The following LHFPL3 variants were observed in gnomAD, a reference collection of about 807,000 sequenced individuals.
LHFPL3 encodes LHFPL tetraspan subfamily member 3.
A neutral mutation model predicts 19.3 loss-of-function variants in LHFPL3; 5 were observed. That is an observed-to-expected ratio of 0.26 (90% CI 0.14 to 0.54). The LOEUF is 0.54. LHFPL3 is among the 20% of genes least tolerant of loss of function. The pLI is 0.94. For synonymous variants in LHFPL3, 133 were observed against 126.2 expected (o/e 1.05, Z -0.36); for missense variants, 249 against 307.4 (o/e 0.81, Z 1.42).
chr7:104,704,258 AAC>A (rs1793148510), intron 1 of LHFPL3, among the ~76,000 whole-genome samples: 1 of 152,222 alleles, frequency 6.6e-6, no homozygotes, highest in African/African-American at 2.4e-5. Context: ...ATCATTTAAT[AAC>A]ACAGCACTGC....
chr7:104,731,423 T>A (rs1793702862), intron 1 of LHFPL3, among the ~76,000 whole-genome samples: 1 of 152,230 alleles, frequency 6.6e-6, no homozygotes, highest in South Asian at 2.1e-4. Context: ...TAGTTCTCCT[T>A]GAAGAGGTCC....
intron 1 of LHFPL3, among the ~76,000 whole-genome samples, chr7:104,637,439 T>C (rs1273289164): frequency 6.6e-6 from 1 of 152,220 alleles, no homozygotes; most frequent in Non-Finnish European, 1.5e-5. Flanking sequence ...GGCGTCTTCA[T>C]CATGAAATCT....
At chr7:104,541,238 C>T (rs1393938088) in intron 1 of LHFPL3, among the ~76,000 whole-genome samples, 2 of 152,040 alleles carry the variant, frequency 1.3e-5, no homozygotes, top group Admixed American at 6.6e-5. Context: ...TCCCATGGCA[C>T]CTGGGAATAT....
intron 1 of LHFPL3, among the ~76,000 whole-genome samples, chr7:104,402,095 AAAAAAAC>A (rs1562886802): frequency 6.6e-6 from 1 of 151,962 alleles, no homozygotes; most frequent in African/African-American, 2.4e-5. Context: ...AACTAAAAAA[AAAAAAAC>A]AAAAAACAAC....
At chr7:104,620,974 C>T (rs1791436599) in intron 1 of LHFPL3, among the ~76,000 whole-genome samples, 1 of 152,190 alleles carries the variant, frequency 6.6e-6, no homozygotes, top group Non-Finnish European at 1.5e-5. Flanking sequence ...TCTACCCTCT[C>T]TAGGAAAATC....
intron 2 of LHFPL3, among the ~76,000 whole-genome samples, chr7:104,841,374 T>G (rs1280292839): frequency 1.3e-5 from 2 of 152,172 alleles, no homozygotes; most frequent in Non-Finnish European, 2.9e-5. Context: ...CCTCGATTTA[T>G]TTTCTCCATC....
chr7:104,795,326 G>T (rs558479933), intron 2 of LHFPL3, among the ~76,000 whole-genome samples: 2 of 152,290 alleles, frequency 1.3e-5, no homozygotes, highest in South Asian at 4.1e-4. Flanking sequence ...TCCCATTGCC[G>T]GAAAGTCAGC....
intron 1 of LHFPL3, among the ~76,000 whole-genome samples, chr7:104,610,516 G>A (rs980644802): frequency 1.3e-5 from 2 of 152,132 alleles, no homozygotes; most frequent in African/African-American, 4.8e-5. Flanking sequence ...GAGAGATGGT[G>A]ATATAGTTCC....
At chr7:104,783,074 C>G (rs1315951802) in intron 2 of LHFPL3, among the ~76,000 whole-genome samples, 3 of 152,256 alleles carry the variant, frequency 2.0e-5, no homozygotes, top group Non-Finnish European at 4.4e-5. Context: ...GGGAACTTAA[C>G]TCGAAATGCA....
chr7:104,626,704 TAGA>T (rs1392705314), intron 1 of LHFPL3, among the ~76,000 whole-genome samples: 1 of 152,174 alleles, frequency 6.6e-6, no homozygotes, highest in African/African-American at 2.4e-5. Flanking sequence ...CAGGAGGAAG[TAGA>T]AGATGTTGTA....
intron 2 of LHFPL3, among the ~76,000 whole-genome samples, chr7:104,901,567 T>C (rs917558112): frequency 3.9e-5 from 6 of 151,906 alleles, no homozygotes; most frequent in Non-Finnish European, 8.8e-5. Context: ...TTTTGTTTTT[T>C]TGTTTGTTTG....
intron 1 of LHFPL3, among the ~76,000 whole-genome samples, chr7:104,638,520 G>A (rs1584454991): frequency 6.6e-6 from 1 of 152,086 alleles, no homozygotes; most frequent in African/African-American, 2.4e-5. Context: ...GATATTGACT[G>A]TGTGTTTGTC....
intron 1 of LHFPL3, among the ~76,000 whole-genome samples, chr7:104,600,578 C>T (rs553817955): frequency 6.6e-6 from 1 of 152,290 alleles, no homozygotes; most frequent in South Asian, 2.1e-4. Context: ...AAACTATTAT[C>T]TCATCTTATC....
intron 1 of LHFPL3, among the ~76,000 whole-genome samples, chr7:104,404,805 A>G (rs1484017070): frequency 6.6e-6 from 1 of 152,136 alleles, no homozygotes; most frequent in Non-Finnish European, 1.5e-5. Context: ...TTATTGAACC[A>G]TTTTGTACTT....
At chr7:104,521,188 C>T (rs1344065994) in intron 1 of LHFPL3, among the ~76,000 whole-genome samples, 2 of 152,048 alleles carry the variant, frequency 1.3e-5, no homozygotes, top group Non-Finnish European at 2.9e-5. Flanking sequence ...TTTATTTCTG[C>T]CTTCATTTCG....
At chr7:104,422,641 C>T (rs1044737418) in intron 1 of LHFPL3, among the ~76,000 whole-genome samples, 4 of 152,170 alleles carry the variant, frequency 2.6e-5, no homozygotes, top group Non-Finnish European at 4.4e-5. Context: ...ATGTGACTTG[C>T]GCAAGTTACT....
chr7:104,361,266 A>G (rs1369689321), intron 1 of LHFPL3, among the ~76,000 whole-genome samples: 2 of 152,214 alleles, frequency 1.3e-5, no homozygotes, highest in East Asian at 3.8e-4. Flanking sequence ...GGAAAATAGA[A>G]TAACATTGTT....
At chr7:104,739,638 T>C (rs1793895300) in intron 2 of LHFPL3, among the ~76,000 whole-genome samples, 1 of 152,228 alleles carries the variant, frequency 6.6e-6, no homozygotes, top group Non-Finnish European at 1.5e-5. Context: ...ATTAAGTTTT[T>C]TTCTGATAAA....
chr7:104,505,817 TA>T (rs2115748253), intron 1 of LHFPL3, among the ~76,000 whole-genome samples: 1 of 152,308 alleles, frequency 6.6e-6, no homozygotes, highest in East Asian at 1.9e-4. Flanking sequence ...TCAAGTAGAT[TA>T]ATGAGAAGTA....
Sources: gnomAD v4.1 joint callset for allele counts (sites outside exome capture counted in the v4.1 genomes callset) on GRCh38, gnomAD v4.1.1 for gene constraint, MANE v1.5 for transcripts, NCBI Gene and HGNC (gene_info 2026-07-23, HGNC 2026-07-21) for gene names.